The following RNASEL variants were observed in gnomAD, a reference collection of about 807,000 sequenced individuals.
RNASEL encodes ribonuclease L, also known as 2-5A-dependent ribonuclease.
Under a neutral mutation model 50.9 loss-of-function variants are expected in RNASEL, and 36 were observed. That is an observed-to-expected ratio of 0.71 (90% CI 0.54 to 0.93). The LOEUF (loss-of-function observed/expected upper bound fraction) is 0.93. RNASEL is among the 40% of genes least tolerant of loss of function. RNASEL has a pLI of 0.00. For missense variants in RNASEL, 860 were observed against 894.5 expected, an observed-to-expected ratio of 0.96 and a Z score of 0.49; for synonymous variants, 335 against 335.6, an observed-to-expected ratio of 1.00 and a Z score of 0.02.
intron 5 of RNASEL, chr1:182,579,580 C>G (rs1661453061): frequency 4.3e-6 from 5 of 1,149,764 alleles, no homozygotes; most frequent in Non-Finnish European, 5.4e-6. Context: ...AACTTGGGCT[C>G]CAGACCTATG....
intron 1 of RNASEL, among the ~76,000 whole-genome samples, chr1:182,588,601 A>G (rs763423964): frequency 2.6e-5 from 4 of 152,242 alleles, no homozygotes; most frequent in Non-Finnish European, 2.9e-5. Flanking sequence ...TGCATCTGCT[A>G]TAGAATTCAC....
rs1387610140 is a variant in RNASEL at position 182,585,936 on chromosome 1, A to C, written c.871T>G (p.Leu291Val). 1 of 1,614,038 alleles carries C rather than the reference A, an allele frequency of 6.2e-7. No homozygotes were observed. The highest frequency in any genetic ancestry group is 1.7e-5 in the Admixed American group (1 of 59,994). ...GTACTGGCTCCACGTTTGCACAGCA[A>C]CTCGGCGATTTTCTTCAGTTTGAGT... Reference protein sequence around the residue: ...VELKLKKIAELLCKRGASTDC... With the variant: ...VELKLKKIAEVLCKRGASTDC... Residue 291 changes from leucine (L) to valine (V), a missense_variant, in exon 2 of 7, where the codon TTG becomes GTG. Coordinates refer to ENST00000367559, the MANE Select transcript of RNASEL (RefSeq NM_021133.4).
At position 182,575,090 on chromosome 1, in the gene RNASEL, G is replaced by A. The variant is rs1164434928; in HGVS notation, c.*302C>T. 1 of 412,044 alleles carries A rather than the reference G, an allele frequency of 2.4e-6. No individual in the cohort carries two copies. The highest frequency in any genetic ancestry group is 2.0e-5 in the African/African-American group (1 of 50,276). The allele number at this position is 412,044 out of a possible 1,614,324, so 25.5% of individuals were successfully genotyped here. Reference sequence around the variant, plus strand: ...TGCAAGATCATTGGGAAAATTAAGTGAGAGAATTGTAACATATGCAGCATT... The same window carrying A: ...TGCAAGATCATTGGGAAAATTAAGTAAGAGAATTGTAACATATGCAGCATT... On this transcript the variant is annotated 3_prime_UTR_variant, in exon 7 of 7. Coordinates refer to ENST00000367559, the MANE Select transcript of RNASEL (RefSeq NM_021133.4).
At chr1:182,579,478 C>T (rs2102365074) in intron 5 of RNASEL, 1 of 1,020,110 alleles carries the variant, frequency 9.8e-7, no homozygotes, top group Non-Finnish European at 1.2e-6. Context: ...TGGCCAGGTG[C>T]ACTCTGTGCA....
Position 182,575,261 on chromosome 1 carries a change from G to A in RNASEL, c.*131C>T, listed in dbSNP as rs145147185. On this transcript the variant is annotated 3_prime_UTR_variant, in exon 7 of 7. Coordinates refer to ENST00000367559, the MANE Select transcript of RNASEL (RefSeq NM_021133.4). ...TAGACATATGGAATACACGATGCCA[G>A]GGACTGACATATCAGCTATGCAACT... The A allele has an allele frequency of 2.8e-4, 240 of 850,658 alleles. No homozygotes were observed. The highest frequency in any genetic ancestry group is 1.4e-3 in the Middle Eastern group (4 of 2,908). The allele number at this position is 850,658 out of a possible 1,614,324, so 52.7% of individuals were successfully genotyped here.
intron 3 of RNASEL, 132 bp downstream of exon 3, chr1:182,583,949 A>G (rs1661545074): frequency 1.3e-6 from 1 of 744,660 alleles, no homozygotes; most frequent in African/African-American, 1.7e-5. Context: ...CGTGTGAGTC[A>G]ATTCTCCTTA....
rs1444725690 is a variant in RNASEL at position 182,581,377 on chromosome 1, C to T, written c.1773-20G>A. The T allele has an allele frequency of 1.2e-6, 2 of 1,600,208 alleles. No individual in the cohort carries two copies. The highest frequency in any genetic ancestry group is 1.7e-5 in the Admixed American group (1 of 59,360). ...TAGCGGCTGAAGATGACTAAATGATCTAAATGATCATGATCATCCCATCCC... is the reference window on the plus strand; with the variant it reads ...TAGCGGCTGAAGATGACTAAATGATTTAAATGATCATGATCATCCCATCCC... On this transcript the variant is annotated intron_variant, in intron 4 of 6. Transcript: ENST00000367559.
intron 5 of RNASEL, among the ~76,000 whole-genome samples, chr1:182,577,623 A>G (rs1661415379): frequency 6.6e-6 from 1 of 152,218 alleles, no homozygotes; most frequent in Admixed American, 6.5e-5. Context: ...ACAGAATTAG[A>G]GAAAAAATCC....
At position 182,583,636 on chromosome 1, in the gene RNASEL, G is replaced by A. The variant is rs546379708; in HGVS notation, c.1566+445C>T. Among the ~76,000 whole-genome samples, 14 of 152,236 alleles carry A rather than the reference G, an allele frequency of 9.2e-5. No individual in the cohort carries two copies. The South Asian group carries it at 2.9e-3, about 32-fold the overall frequency. ...GTGGGCACCATCTAATCAGCTGCCAGCATGGCTAAAATAAAGCAGGCAGAA... is the reference window on the plus strand; with the variant it reads ...GTGGGCACCATCTAATCAGCTGCCAACATGGCTAAAATAAAGCAGGCAGAA... On this transcript the variant is annotated intron_variant, in intron 3 of 6. Coordinates refer to ENST00000367559, the MANE Select transcript of RNASEL (RefSeq NM_021133.4).
At chr1:182,580,926 TC>T (rs200388725) in intron 5 of RNASEL, among the ~76,000 whole-genome samples, 2,683 of 152,256 alleles carry the variant, frequency 0.018, 83 homozygotes, top group African/African-American at 0.062. Context: ...AATAGGATTA[TC>T]AGCTAAGTGA....
chr1:182,578,261 C>T (rs1661428419), intron 5 of RNASEL: 1 of 152,120 alleles, frequency 6.6e-6, no homozygotes, highest in African/African-American at 2.4e-5. Context: ...CCAGAATTTA[C>T]AAGGAACTCA....
At position 182,582,098 on chromosome 1, in the gene RNASEL, C is replaced by T. The variant is rs764873431; in HGVS notation, c.1727G>A (p.Cys576Tyr). The T allele has an allele frequency of 1.3e-5, 21 of 1,614,252 alleles. No individual in the cohort carries two copies. Among genetic ancestry groups the T allele is most frequent in the East Asian group, 8.9e-5 (4 of 44,886 alleles). ...LFHPGEHVRD[C>Y]LSDLLGHPFF... ...GGGATGACCCAGCAGGTCACTCAGACAGTCCCTCACATGTTCCCCAGGATG... is the reference window on the plus strand; with the variant it reads ...GGGATGACCCAGCAGGTCACTCAGATAGTCCCTCACATGTTCCCCAGGATG... The change falls in exon 4 of 7, where the codon TGT becomes TAT. Residue 576 changes from cysteine (C) to tyrosine (Y), a missense_variant. Coordinates refer to ENST00000367559, the MANE Select transcript of RNASEL (RefSeq NM_021133.4).
chr1:182,585,734 A>G lies in RNASEL; in HGVS notation c.1073T>C (p.Ile358Thr), dbSNP rs1013049486. 2.5e-6 allele frequency: 4 copies of G among 1,614,082 alleles called. No individual in the cohort carries two copies. The highest frequency in any genetic ancestry group is 1.1e-5 in the South Asian group (1 of 91,084). The change falls in exon 2 of 7, where the codon ATT becomes ACT. Residue 358 changes from isoleucine to threonine, a missense_variant. Physicochemically the swap from Ile to Thr is moderately conservative, Grantham distance 89. Coordinates refer to ENST00000367559, the MANE Select transcript of RNASEL (RefSeq NM_021133.4). ...KDLHRIYRPM[I>T]GKLKFFIDEK... ...ATCAATAAAGAACTTGAGTTTGCCA[A>G]TCATAGGGCGGTATATTCTGTGGAG...
In RNASEL at chr1:182,586,058, T is replaced by C. The variant is rs1661589398; in HGVS notation, c.749A>G (p.Lys250Arg). 1 of 1,613,978 alleles carries C rather than the reference T, an allele frequency of 6.2e-7. No homozygotes were observed. Among genetic ancestry groups the C allele is most frequent in the Admixed American group, 1.7e-5 (1 of 60,002 alleles). The change falls in exon 2 of 7, where the codon AAG becomes AGG. Residue 250 changes from lysine to arginine, a missense_variant. By Grantham distance (26) the Lys-to-Arg change is conservative. Transcript: ENST00000367559. ...KTPLILAVEK[K>R]HLGLVQRLLE... is the part of the protein sequence containing the mutation. ...AAGCCTCTGCACCAAACCCAAGTGC[T>C]TCTTCTCCACTGCCAGGATCAGGGG...
chr1:182,586,916 C>A lies in RNASEL; in HGVS notation c.-110G>T. On this transcript the variant is annotated 5_prime_UTR_variant, in exon 2 of 7. Coordinates refer to ENST00000367559, the MANE Select transcript of RNASEL (RefSeq NM_021133.4). ...TTGAGTGTAAATTGGGATTCTCTGGCAACAGAGCAGCAGTATGAAGAAGGA... is the reference window on the plus strand; with the variant it reads ...TTGAGTGTAAATTGGGATTCTCTGGAAACAGAGCAGCAGTATGAAGAAGGA... 1.4e-6 allele frequency: 2 copies of A among 1,391,948 alleles called. No homozygotes were observed. Among genetic ancestry groups the A allele is most frequent in the Non-Finnish European group, 2.0e-6 (2 of 988,558 alleles). The allele number at this position is 1,391,948 out of a possible 1,614,324, so 86.2% of individuals were successfully genotyped here.
In RNASEL at chr1:182,575,329, T is replaced by C. The variant is rs186980443; in HGVS notation, c.*63A>G. ...CTGGTGAGTTAAAAGGCCCAGAATG[T>C]TGTGATTTGCCAAGGACTCTACAGC... On this transcript the variant is annotated 3_prime_UTR_variant, in exon 7 of 7. Transcript: ENST00000367559. 2,104 of 1,553,192 alleles carry C rather than the reference T, an allele frequency of 1.4e-3. 5 individuals carry two copies. The highest frequency in any genetic ancestry group is 1.7e-3 in the Non-Finnish European group (1,914 of 1,125,860).
chr1:182,575,665 T>C, intron 6 of RNASEL, 87 bp from the exon 7 acceptor site: 2 of 1,524,766 alleles, frequency 1.3e-6, no homozygotes, highest in Non-Finnish European at 8.9e-7. Flanking sequence ...ATCTCTTTGC[T>C]CGCTTGATTT....
At chr1:182,584,317 C>T (rs1391093851) in intron 2 of RNASEL, 151 bp from the exon 3 acceptor site, 1 of 670,070 alleles carries the variant, frequency 1.5e-6, no homozygotes, top group African/African-American at 1.8e-5. Flanking sequence ...CCATTCACCC[C>T]TCAAAACACT....
At chr1:182,575,794 A>T (rs763254922) in intron 6 of RNASEL, among the ~76,000 whole-genome samples, 1 of 152,236 alleles carries the variant, frequency 6.6e-6, no homozygotes, top group Non-Finnish European at 1.5e-5. Context: ...GTTCTTTCAT[A>T]AAATGGAAAT....
Sources: gnomAD v4.1 joint callset for allele counts (sites outside exome capture counted in the v4.1 genomes callset) on GRCh38, gnomAD v4.1.1 for gene constraint, MANE v1.5 for transcripts, NCBI Gene and HGNC (gene_info 2026-07-23, HGNC 2026-07-21) for gene names.